Variants in NFIA observed in about 807,000 individuals in gnomAD.
The protein encoded by NFIA is nuclear factor 1 A-type.
In NFIA, 8 loss-of-function variants were observed where a neutral mutation model predicts 62.8. That is an observed-to-expected ratio of 0.13 (90% CI 0.07 to 0.23). The LOEUF (loss-of-function observed/expected upper bound fraction) is 0.23, where lower values mean the gene tolerates loss of function less well. Ranked by LOEUF, NFIA falls within the 10% of genes least tolerant of loss-of-function variation. NFIA has a pLI of 1.00. For missense variants in NFIA, 410 were observed against 642.1 expected (o/e 0.64, Z 3.91); for synonymous variants, 235 against 238.1 (o/e 0.99, Z 0.12).
intron 2 of NFIA, among the ~76,000 whole-genome samples, chr1:61,130,428 T>C (rs1647053688): frequency 6.6e-6 from 1 of 152,232 alleles, no homozygotes; most frequent in Admixed American, 6.5e-5. Context: ...GGAGAGAAGT[T>C]GGTACTTGTA....
intron 7 of NFIA, 66 bp downstream of exon 7, chr1:61,383,431 T>G: frequency 1.3e-6 from 2 of 1,592,204 alleles, no homozygotes; most frequent in Non-Finnish European, 1.7e-6. Flanking sequence ...AGTAGCAAAA[T>G]GAGAAACAAT....
At chr1:61,340,526 A>G (rs1201532323) in intron 4 of NFIA, among the ~76,000 whole-genome samples, 1 of 152,174 alleles carries the variant, frequency 6.6e-6, no homozygotes, top group Non-Finnish European at 1.5e-5. Context: ...AAATAGGAAT[A>G]CCTCTCAGGA....
intron 3 of NFIA, among the ~76,000 whole-genome samples, chr1:61,306,139 C>T (rs185388466): frequency 8.4e-4 from 128 of 151,976 alleles, no homozygotes; most frequent in African/African-American, 2.9e-3. Flanking sequence ...CGTGAGCCAC[C>T]GCACCCAGCC....
At chr1:61,435,804 T>C (rs1667300747) in intron 10 of NFIA, among the ~76,000 whole-genome samples, 1 of 152,198 alleles carries the variant, frequency 6.6e-6, no homozygotes, top group Non-Finnish European at 1.5e-5. Context: ...AGGTAGTGGA[T>C]AGACTGTTAA....
intron 1 of NFIA, among the ~76,000 whole-genome samples, chr1:61,087,020 A>G (rs1646230355): frequency 6.6e-6 from 1 of 152,180 alleles, no homozygotes; most frequent in Admixed American, 6.5e-5. Flanking sequence ...TGGATTAGTT[A>G]ATCAAAAGTT....
chr1:61,218,779 G>T (rs1230966318), intron 2 of NFIA, among the ~76,000 whole-genome samples: 1 of 152,166 alleles, frequency 6.6e-6, no homozygotes, highest in Non-Finnish European at 1.5e-5. Flanking sequence ...TTCTGTGATG[G>T]TCACTGAGTT....
chr1:61,167,766 G>A (rs1649684970), intron 2 of NFIA, among the ~76,000 whole-genome samples: 2 of 152,244 alleles, frequency 1.3e-5, no homozygotes, highest in Admixed American at 1.3e-4. Context: ...GGTTTTAGGT[G>A]TTATGATCCT....
chr1:61,224,998 C>T (rs1014719571), intron 2 of NFIA, among the ~76,000 whole-genome samples: 4 of 152,154 alleles, frequency 2.6e-5, no homozygotes, highest in Admixed American at 2.0e-4. Context: ...AAGCTCTTTG[C>T]TGTGTTATCC....
intron 2 of NFIA, among the ~76,000 whole-genome samples, chr1:61,091,087 T>G (rs1027579538): frequency 6.6e-6 from 1 of 152,256 alleles, no homozygotes; most frequent in Admixed American, 6.5e-5. Context: ...TGAAACGTGC[T>G]TCAAGATACA....
At chr1:61,169,408 C>T (rs1649796713) in intron 2 of NFIA, among the ~76,000 whole-genome samples, 1 of 152,188 alleles carries the variant, frequency 6.6e-6, no homozygotes, top group South Asian at 2.1e-4. Context: ...TTCTTTCCAT[C>T]CTCACATCTC....
At chr1:61,449,913 T>C (rs1667986056) in intron 10 of NFIA, among the ~76,000 whole-genome samples, 1 of 152,198 alleles carries the variant, frequency 6.6e-6, no homozygotes, top group Non-Finnish European at 1.5e-5. Context: ...CTCTCATGAA[T>C]ACAGACTGGT....
chr1:61,152,372 T>C (rs1158022834), intron 2 of NFIA, among the ~76,000 whole-genome samples: 1 of 152,186 alleles, frequency 6.6e-6, no homozygotes, highest in Non-Finnish European at 1.5e-5. Flanking sequence ...TCCCTGCTTT[T>C]TCAAACAGTG....
chr1:61,458,642 C>A lies in NFIA; in HGVS notation c.*3322C>A, dbSNP rs1167313449. On this transcript the variant is annotated 3_prime_UTR_variant, in exon 11 of 11. Coordinates refer to ENST00000403491, the MANE Select transcript of NFIA (RefSeq NM_001134673.4). ...ATAGAATTGCTTTTCTTTCTTTTTA[C>A]CCCCCCTTTGGGAACTGGATTTAAG... 1.3e-5 allele frequency: 2 copies of A among 150,584 alleles called. No individual in the cohort carries two copies. Among genetic ancestry groups the A allele is most frequent in the Admixed American group, 1.3e-4 (2 of 15,148 alleles). 9.3% of individuals were successfully genotyped at this position (150,584 alleles called of 1,614,324 possible).
intron 2 of NFIA, among the ~76,000 whole-genome samples, chr1:61,272,501 A>C (rs779476637): frequency 3.9e-5 from 6 of 152,202 alleles, no homozygotes; most frequent in Non-Finnish European, 4.4e-5. Flanking sequence ...AAACAGAGTA[A>C]TTTTAAAAAT....
chr1:61,262,581 T>C (rs17311775), intron 2 of NFIA, among the ~76,000 whole-genome samples: 2,663 of 152,168 alleles, frequency 0.018, 61 homozygotes, highest in Non-Finnish European at 0.022. Context: ...TCAAGACTTA[T>C]GGCTTTGTTG....
At chr1:61,236,000 A>G (rs1654991505) in intron 2 of NFIA, among the ~76,000 whole-genome samples, 1 of 152,140 alleles carries the variant, frequency 6.6e-6, no homozygotes, top group Non-Finnish European at 1.5e-5. Context: ...TATGTTATTT[A>G]CATGGTTCTG....
intron 5 of NFIA, among the ~76,000 whole-genome samples, chr1:61,356,449 C>G (rs1557728706): frequency 6.6e-6 from 1 of 152,128 alleles, no homozygotes. Context: ...TAGCAGGAGC[C>G]TGAACCAAGA....
Sources: allele counts gnomAD v4.1 joint callset (sites outside exome capture counted in the v4.1 genomes callset), GRCh38; gene constraint gnomAD v4.1.1; transcripts MANE v1.5; gene names NCBI Gene and HGNC (gene_info 2026-07-23, HGNC 2026-07-21).